Variants in ADCY5 observed in about 807,000 individuals in gnomAD.
ADCY5 encodes the protein adenylate cyclase type 5.
A neutral mutation model predicts 119.7 loss-of-function variants in ADCY5; 30 were observed. The observed-to-expected ratio is 0.25, with a 90% CI of 0.19 to 0.34. The LOEUF (loss-of-function observed/expected upper bound fraction) is 0.34. Ranked by LOEUF, ADCY5 falls within the 10% of genes least tolerant of loss-of-function variation. The pLI, the probability that ADCY5 is intolerant of heterozygous loss-of-function variation, is 1.00. For missense variants in ADCY5, 1,324 were observed against 1,775.2 expected (o/e 0.75, Z 4.57); for synonymous variants, 753 against 762.2 (o/e 0.99, Z 0.20).
At chr3:123,376,734 T>A (rs907309912) in intron 1 of ADCY5, among the ~76,000 whole-genome samples, 1 of 151,876 alleles carries the variant, frequency 6.6e-6, no homozygotes, top group Non-Finnish European at 1.5e-5. Flanking sequence ...AGAAGGAGGA[T>A]GAGAATGGGG....
intron 1 of ADCY5, among the ~76,000 whole-genome samples, chr3:123,381,554 G>C (rs1361797920): frequency 6.6e-6 from 1 of 152,244 alleles, no homozygotes; most frequent in Non-Finnish European, 1.5e-5. Flanking sequence ...CTTCATGCAT[G>C]TGTGATCTGT....
intron 2 of ADCY5, among the ~76,000 whole-genome samples, chr3:123,349,952 C>T (rs1942752512): frequency 6.6e-6 from 1 of 152,254 alleles, no homozygotes; most frequent in Non-Finnish European, 1.5e-5. Flanking sequence ...CCCACGCCCA[C>T]AGCCTGGCCT....
At chr3:123,436,250 G>A (rs1199998327) in intron 1 of ADCY5, among the ~76,000 whole-genome samples, 1 of 151,974 alleles carries the variant, frequency 6.6e-6, no homozygotes, top group Non-Finnish European at 1.5e-5. Context: ...TTGTGCACCT[G>A]TAGTCCCAGC....
intron 1 of ADCY5, chr3:123,367,967 C>A (rs1381189034): frequency 1.3e-6 from 2 of 1,533,862 alleles, no homozygotes. Context: ...TGGGCCCTAC[C>A]CAGCACTACA....
At chr3:123,443,951 C>T (rs1010979954) in intron 1 of ADCY5, among the ~76,000 whole-genome samples, 3 of 152,174 alleles carry the variant, frequency 2.0e-5, no homozygotes, top group Non-Finnish European at 2.9e-5. Context: ...GTGCAAATGA[C>T]CACCCCACCC....
chr3:123,338,982 GCTCCTCTGAT>G (rs1559819186), intron 3 of ADCY5, among the ~76,000 whole-genome samples: 1 of 152,198 alleles, frequency 6.6e-6, no homozygotes, highest in Non-Finnish European at 1.5e-5. Flanking sequence ...CTAATCACCA[GCTCCTCTGAT>G]CTCCTGCAGC....
intron 15 of ADCY5, 62 bp downstream of exon 15, chr3:123,300,058 C>T: frequency 2.6e-6 from 4 of 1,566,920 alleles, no homozygotes; most frequent in Non-Finnish European, 1.7e-6. Flanking sequence ...AAACCTCCTG[C>T]TCTTGCCACC....
At chr3:123,399,124 T>A (rs946043071) in intron 1 of ADCY5, among the ~76,000 whole-genome samples, 4 of 152,242 alleles carry the variant, frequency 2.6e-5, no homozygotes, top group Non-Finnish European at 5.9e-5. Flanking sequence ...TCTAGAGCAG[T>A]GCTGCCCAGT....
At position 123,448,469 on chromosome 3, in the gene ADCY5, G is replaced by A. The variant is rs752897516; in HGVS notation, c.77C>T (p.Pro26Leu). 62 of 1,274,508 alleles carry A rather than the reference G, an allele frequency of 4.9e-5. No homozygotes were observed. The highest frequency in any genetic ancestry group is 1.1e-5 in the Non-Finnish European group (11 of 1,012,152). 78.9% of individuals were successfully genotyped at this position (1,274,508 alleles called of 1,614,324 possible). Residue 26 changes from proline to leucine, a missense_variant, in exon 1 of 21, where the codon CCC becomes CTC. Coordinates refer to ENST00000462833, the MANE Select transcript of ADCY5 (RefSeq NM_183357.3). ...KTAAPAPRGG[P>L]EHRSAWGEAD... Reference sequence around the variant, plus strand: ...CTCGCCCCACGCAGAGCGGTGTTCGGGGCCTCCCCGGGGCGCCGGCGCCGC... The same window carrying A: ...CTCGCCCCACGCAGAGCGGTGTTCGAGGCCTCCCCGGGGCGCCGGCGCCGC...
At chr3:123,396,293 GA>G (rs1199973696) in intron 1 of ADCY5, among the ~76,000 whole-genome samples, 1 of 141,946 alleles carries the variant, frequency 7.0e-6, no homozygotes, top group Non-Finnish European at 1.5e-5. Context: ...GGGAAAGAGG[GA>G]AAATAAGAAA....
At chr3:123,434,012 C>T (rs959424105) in intron 1 of ADCY5, among the ~76,000 whole-genome samples, 5 of 152,162 alleles carry the variant, frequency 3.3e-5, no homozygotes, top group African/African-American at 1.2e-4. Context: ...CTGAGCCAGA[C>T]ACCATGGGGA....
At chr3:123,345,018 C>A (rs530941506) in intron 3 of ADCY5, among the ~76,000 whole-genome samples, 2 of 152,340 alleles carry the variant, frequency 1.3e-5, no homozygotes, top group South Asian at 2.1e-4. Flanking sequence ...GAAATACCCC[C>A]ACTGTGGCAG....
At chr3:123,301,785 G>A (rs538189370) in intron 14 of ADCY5, among the ~76,000 whole-genome samples, 1 of 152,390 alleles carries the variant, frequency 6.6e-6, no homozygotes, top group Admixed American at 6.5e-5. Context: ...GAAAGCTGAA[G>A]AGCTCCTGTG....
At chr3:123,434,984 C>T (rs535828868) in intron 1 of ADCY5, among the ~76,000 whole-genome samples, 2 of 152,264 alleles carry the variant, frequency 1.3e-5, no homozygotes, top group East Asian at 3.9e-4. Context: ...ACAGTAAGAG[C>T]TTAATAAGTG....
At chr3:123,293,831 C>T (rs1939323880) in intron 17 of ADCY5, among the ~76,000 whole-genome samples, 1 of 152,178 alleles carries the variant, frequency 6.6e-6, no homozygotes, top group South Asian at 2.1e-4. Context: ...TCCACACCTA[C>T]AAGCAGCGAG....
At chr3:123,441,344 A>C (rs1945718167) in intron 1 of ADCY5, among the ~76,000 whole-genome samples, 1 of 152,178 alleles carries the variant, frequency 6.6e-6, no homozygotes, top group Non-Finnish European at 1.5e-5. Flanking sequence ...GCAGTCAGTG[A>C]CCCATCCAAA....
At chr3:123,331,850 C>T (rs893035538) in intron 4 of ADCY5, among the ~76,000 whole-genome samples, 6 of 152,170 alleles carry the variant, frequency 3.9e-5, no homozygotes, top group African/African-American at 1.4e-4. Flanking sequence ...ACCATGGAAG[C>T]CCCCAGAGAA....
At chr3:123,347,659 T>A (rs1019357054) in intron 3 of ADCY5, 123 bp downstream of exon 3, 9 of 1,293,376 alleles carry the variant, frequency 7.0e-6, no homozygotes, top group African/African-American at 5.8e-5. Context: ...ATGCTCTAGA[T>A]GACACACTCC....
In ADCY5 at chr3:123,430,543, G is replaced by A. The variant is rs78265085; in HGVS notation, c.1134+16869C>T. On this transcript the variant is annotated intron_variant, in intron 1 of 20. Coordinates refer to ENST00000462833, the MANE Select transcript of ADCY5 (RefSeq NM_183357.3). ...AAGCAAAGGCAGCAACACCCCGCAC[G>A]GGGAAGATGTCAGATGGTGACTAAC... Among the ~76,000 whole-genome samples the A allele has an allele frequency of 1.0e-3, 154 of 152,330 alleles. 1 individual carries two copies. Among genetic ancestry groups the A allele is most frequent in the African/African-American group, 3.5e-3 (146 of 41,558 alleles).
Sources: allele counts gnomAD v4.1 joint callset (sites outside exome capture counted in the v4.1 genomes callset), GRCh38; gene constraint gnomAD v4.1.1; transcripts MANE v1.5; gene names NCBI Gene and HGNC (gene_info 2026-07-23, HGNC 2026-07-21).